ERCC6: variants seen among roughly 807,000 people sequenced by gnomAD.
ERCC6 encodes the protein DNA excision repair protein ERCC-6.
In ERCC6, 116 loss-of-function variants were observed where a neutral mutation model predicts 158.7. The ratio of observed to expected loss-of-function variants is 0.73; its 90% CI spans 0.63 to 0.85. ERCC6 has a LOEUF of 0.85. Among genes scored for constraint, ERCC6 ranks in the 40% least tolerant of loss-of-function variants. ERCC6 has a pLI of 0.00. For missense variants in ERCC6, 1,698 were observed against 1,799.4 expected (o/e 0.94, Z 1.02); for synonymous variants, 678 against 659.3 (o/e 1.03, Z -0.43).
At chr10:49,515,725 C>T in intron 5 of ERCC6, 1 of 1,614,182 alleles carries the variant, frequency 6.2e-7, no homozygotes, top group Non-Finnish European at 8.5e-7. Context: ...TCAGCTCTGT[C>T]TACGCCTCCC....
At chr10:49,519,801 G>A (rs1490059037) in intron 5 of ERCC6, among the ~76,000 whole-genome samples, 1 of 152,164 alleles carries the variant, frequency 6.6e-6, no homozygotes. Flanking sequence ...TCTGAGCAAG[G>A]TCCTGTGGAC....
chr10:49,475,415 T>C, intron 12 of ERCC6: 1 of 452,284 alleles, frequency 2.2e-6, no homozygotes, highest in Non-Finnish European at 4.4e-6. Flanking sequence ...TAGTGTGATC[T>C]AGACCCCCTA....
At chr10:49,516,903 GCA>G in intron 5 of ERCC6, 1 of 1,614,138 alleles carries the variant, frequency 6.2e-7, no homozygotes, top group Non-Finnish European at 8.5e-7. Context: ...GTCAGACTCA[GCA>G]TCAGAGCCAT....
At chr10:49,475,407 G>A (rs1025694907) in intron 12 of ERCC6, 8 of 451,724 alleles carry the variant, frequency 1.8e-5, no homozygotes, top group African/African-American at 1.4e-4. Context: ...TTCCTGGATA[G>A]TGTGATCTAG....
chr10:49,442,687 T>G, the ERCC6 span, among the ~76,000 whole-genome samples: 2 of 152,192 alleles, frequency 1.3e-5, no homozygotes, highest in African/African-American at 2.4e-5. Flanking sequence ...TTGACCATGC[T>G]GGGGGCAGGT....
intron 18 of ERCC6, among the ~76,000 whole-genome samples, chr10:49,468,696 A>G (rs2132535108): frequency 6.6e-6 from 1 of 152,354 alleles, no homozygotes; most frequent in Admixed American, 6.5e-5. Flanking sequence ...ACTATTGGCT[A>G]CGAAAGCAAT....
intron 6 of ERCC6, 126 bp from the exon 7 acceptor site, chr10:49,500,822 G>T: frequency 3.1e-6 from 3 of 970,594 alleles, no homozygotes; most frequent in Non-Finnish European, 4.8e-6. Flanking sequence ...AAACATGCGG[G>T]ATGTGTGTTT....
At chr10:49,515,568 C>T (rs746676471) in intron 5 of ERCC6, 8 of 1,613,912 alleles carry the variant, frequency 5.0e-6, no homozygotes, top group Middle Eastern at 1.6e-4. Context: ...CACACGTCGA[C>T]GAAACTCCAG....
chr10:49,464,196 G>C (rs760476402), intron 18 of ERCC6, among the ~76,000 whole-genome samples: 1 of 152,180 alleles, frequency 6.6e-6, no homozygotes, highest in Non-Finnish European at 1.5e-5. Flanking sequence ...TGAGGAACTT[G>C]TTGGGAATTG....
chr10:49,515,234 T>C, intron 5 of ERCC6: 2 of 1,450,718 alleles, frequency 1.4e-6, no homozygotes, highest in Non-Finnish European at 1.8e-6. Context: ...GTTCCATTGT[T>C]ATGTGACGTT....
chr10:49,530,892 C>CA, intron 2 of ERCC6, 52 bp from the exon 3 acceptor site: 2 of 1,600,050 alleles, frequency 1.2e-6, no homozygotes, highest in Non-Finnish European at 1.7e-6. Flanking sequence ...ATTTTTATAG[C>CA]ATAATATAAA....
At chr10:49,469,089 AACC>A (rs1382185784) in intron 18 of ERCC6, among the ~76,000 whole-genome samples, 2 of 152,268 alleles carry the variant, frequency 1.3e-5, no homozygotes, top group African/African-American at 4.8e-5. Flanking sequence ...ACCATTTGGC[AACC>A]ATTGTAGTAA....
At chr10:49,508,914 T>C (rs764896064) in intron 5 of ERCC6, among the ~76,000 whole-genome samples, 6 of 152,090 alleles carry the variant, frequency 3.9e-5, no homozygotes, top group Non-Finnish European at 8.8e-5. Context: ...CTTTAAGGGC[T>C]CTCTTTAACA....
rs115604255 is a variant in ERCC6, at chr10:49,525,650, T to C, written c.653-873A>G. On this transcript the variant is annotated intron_variant, in intron 4 of 20. Transcript: ENST00000355832. Reference sequence around the variant, plus strand: ...ATTCTTGCAGGCCAATGATACCCAGTTTTTCATTAAACTTGCACTGAAATA... The same window carrying C: ...ATTCTTGCAGGCCAATGATACCCAGCTTTTCATTAAACTTGCACTGAAATA... Among the ~76,000 whole-genome samples, 838 of 152,232 alleles carry C rather than the reference T, an allele frequency of 5.5e-3. 7 individuals carry two copies. Among genetic ancestry groups the C allele is most frequent in the African/African-American group, 0.019 (797 of 41,532 alleles).
intron 19 of ERCC6, among the ~76,000 whole-genome samples, chr10:49,460,726 G>A (rs1850566485): frequency 6.6e-6 from 1 of 152,036 alleles, no homozygotes; most frequent in Admixed American, 6.5e-5. Context: ...GTCGAGACTA[G>A]CCTGGCCAAC....
At position 49,528,519 on chromosome 10, in the gene ERCC6, G is replaced by T; in HGVS notation, c.550C>A (p.Gln184Lys). The change falls in exon 4 of 21, where the codon CAG (glutamine) becomes AAG (lysine). Residue 184 changes from glutamine (Q) to lysine (K), a missense_variant. Gln to Lys is a moderately conservative substitution (Grantham distance 53). Coordinates refer to ENST00000355832, the MANE Select transcript of ERCC6 (RefSeq NM_000124.4). ...TGTTTTGCAGTGATCTTTTTTAGCT[G>T]TTGTTCCTTGAATGGTAAATATAGA... ...VKRQKYNKEQ[Q>K]LKKITAKQKH... The T allele has an allele frequency of 6.2e-7, 1 of 1,614,114 alleles. No individual in the cohort carries two copies. The highest frequency in any genetic ancestry group is 1.1e-5 in the South Asian group (1 of 91,084).
chr10:49,508,769 G>A (rs1851487086), intron 5 of ERCC6, among the ~76,000 whole-genome samples: 1 of 152,132 alleles, frequency 6.6e-6, no homozygotes, highest in African/African-American at 2.4e-5. Context: ...ACCATCTGAT[G>A]AGGGTCCACT....
In ERCC6 at chr10:49,474,034, G is replaced by A. The variant is rs921680313; in HGVS notation, c.2591C>T (p.Ser864Leu). ...QGQRVLLFSQSRQMLDILEVF... is the reference protein window; with the variant it reads ...QGQRVLLFSQLRQMLDILEVF... ...TGAAGTCTGTGCACTCACCTGCCTTGACTGAGAAAACAGCAATACTCGCTG... is the reference window on the plus strand; with the variant it reads ...TGAAGTCTGTGCACTCACCTGCCTTAACTGAGAAAACAGCAATACTCGCTG... Residue 864 changes from serine to leucine, a missense_variant, in exon 13 of 21, where the codon TCA becomes TTA. Transcript: ENST00000355832. The A allele has an allele frequency of 1.2e-6, 2 of 1,613,764 alleles. No individual in the cohort carries two copies. Among genetic ancestry groups the A allele is most frequent in the African/African-American group, 1.3e-5 (1 of 74,910 alleles).
rs536564955 is a variant in ERCC6 at position 49,487,544 on chromosome 10, C to T, written c.1822-4028G>A. Among the ~76,000 whole-genome samples, 10 of 151,936 alleles carry T rather than the reference C, an allele frequency of 6.6e-5. No individual in the cohort carries two copies. The South Asian group carries it at 2.1e-3, about 32-fold the overall frequency. ...TAGCTGCTGGTGCCAGTGAAGAAAG[C>T]AGTCTGCCCAGAGAAAAACCATCCA... On this transcript the variant is annotated intron_variant, in intron 8 of 20. Coordinates refer to ENST00000355832, the MANE Select transcript of ERCC6 (RefSeq NM_000124.4).
Sources: allele counts gnomAD v4.1 joint callset (sites outside exome capture counted in the v4.1 genomes callset), GRCh38; gene constraint gnomAD v4.1.1; transcripts MANE v1.5; gene names NCBI Gene and HGNC (gene_info 2026-07-23, HGNC 2026-07-21).